EYS: variants seen among roughly 807,000 people sequenced by gnomAD.
EYS encodes protein eyes shut homolog.
Under a neutral mutation model 282.1 loss-of-function variants are expected in EYS, and 250 were observed. The ratio of observed to expected loss-of-function variants is 0.89; its 90% CI spans 0.80 to 0.98. The LOEUF (loss-of-function observed/expected upper bound fraction) is 0.98, where lower values mean the gene tolerates loss of function less well. Among genes scored for constraint, EYS ranks in the 50% least tolerant of loss-of-function variants. EYS has a pLI of 0.00. For missense variants in EYS, 4,016 were observed against 3,709.0 expected (o/e 1.08, Z -2.15); for synonymous variants, 1,355 against 1,282.9 (o/e 1.06, Z -1.20).
rs1772071297 is a variant in EYS at position 64,733,946 on chromosome 6, A to C, written c.3443+79432T>G. On this transcript the variant is annotated intron_variant, in intron 22 of 42. Transcript: ENST00000503581. ...ATGGCGGTGGGAGCAAGCTATATTA[A>C]TTTATTTTTTAAAGAAATGAAGAAG... is the stretch of plus-strand genomic sequence containing the variant. 1.3e-5 allele frequency: 2 copies of C among 153,862 alleles called. 1 individual carries two copies. The highest frequency in any genetic ancestry group is 4.1e-4 in the South Asian group (2 of 4,858). 9.5% of individuals were successfully genotyped at this position (153,862 alleles called of 1,614,324 possible).
At chr6:65,181,005 T>C (rs533722726) in intron 12 of EYS, among the ~76,000 whole-genome samples, 12 of 152,276 alleles carry the variant, frequency 7.9e-5, no homozygotes, top group African/African-American at 2.6e-4. Flanking sequence ...GCTAGCCATA[T>C]GTAGAAAGCT....
chr6:65,239,821 T>C (rs1332136299), intron 12 of EYS, among the ~76,000 whole-genome samples: 1 of 152,162 alleles, frequency 6.6e-6, no homozygotes, highest in African/African-American at 2.4e-5. Context: ...TTCTAATGGG[T>C]AACTTTCTAA....
At chr6:63,938,562 T>C (rs187446839) in intron 35 of EYS, among the ~76,000 whole-genome samples, 1 of 152,348 alleles carries the variant, frequency 6.6e-6, no homozygotes, top group East Asian at 1.9e-4. Flanking sequence ...ATAGAAATAT[T>C]GAAATGTGGT....
intron 12 of EYS, among the ~76,000 whole-genome samples, chr6:65,144,665 G>C (rs1313452882): frequency 6.6e-6 from 1 of 151,894 alleles, no homozygotes; most frequent in African/African-American, 2.4e-5. Context: ...AAATTGAACA[G>C]TATATGTTCC....
intron 26 of EYS, among the ~76,000 whole-genome samples, chr6:64,544,565 A>C (rs1364012067): frequency 6.6e-6 from 1 of 152,164 alleles, no homozygotes; most frequent in East Asian, 1.9e-4. Context: ...CCCTTCAAAA[A>C]ATCAATGAAT....
intron 13 of EYS, among the ~76,000 whole-genome samples, chr6:65,016,740 T>C (rs1341068879): frequency 1.3e-5 from 2 of 152,126 alleles, no homozygotes; most frequent in Non-Finnish European, 2.9e-5. Context: ...AAAGGACATA[T>C]AGCAGGAAAA....
At chr6:65,011,774 A>G (rs1043053332) in intron 13 of EYS, among the ~76,000 whole-genome samples, 2 of 152,162 alleles carry the variant, frequency 1.3e-5, no homozygotes, top group Non-Finnish European at 2.9e-5. Context: ...TAGTAAGGAG[A>G]GCTCACTAAA....
At chr6:64,955,202 C>T (rs75048340) in intron 14 of EYS, among the ~76,000 whole-genome samples, 1 of 146,578 alleles carries the variant, frequency 6.8e-6, no homozygotes, top group African/African-American at 2.5e-5. Flanking sequence ...AAACAACCAA[C>T]AAAAAAAAAA....
chr6:64,024,399 G>T (rs992449449), intron 33 of EYS, among the ~76,000 whole-genome samples: 1 of 152,160 alleles, frequency 6.6e-6, no homozygotes, highest in South Asian at 2.1e-4. Flanking sequence ...GAGAACATCT[G>T]TGTCTAGCTC....
At chr6:64,477,338 T>A (rs1363395880) in intron 26 of EYS, among the ~76,000 whole-genome samples, 1 of 152,164 alleles carries the variant, frequency 6.6e-6, no homozygotes, top group Non-Finnish European at 1.5e-5. Flanking sequence ...CATATTTTAT[T>A]TAAAATCCCC....
intron 29 of EYS, among the ~76,000 whole-genome samples, chr6:64,339,067 T>C (rs903480837): frequency 6.6e-6 from 1 of 152,130 alleles, no homozygotes; most frequent in African/African-American, 2.4e-5. Flanking sequence ...TTCTAGACAT[T>C]GGCTTAGGCA....
intron 29 of EYS, among the ~76,000 whole-genome samples, chr6:64,329,416 T>A (rs1015661275): frequency 6.6e-6 from 1 of 152,098 alleles, no homozygotes; most frequent in African/African-American, 2.4e-5. Flanking sequence ...AGAAAAGCCA[T>A]CATAATGACG....
intron 5 of EYS, among the ~76,000 whole-genome samples, chr6:65,465,474 CACAA>C (rs773861531): frequency 1.8e-4 from 28 of 151,666 alleles, no homozygotes; most frequent in East Asian, 3.9e-4. Flanking sequence ...GAGGCTCTGT[CACAA>C]ACAAACAAAC....
chr6:64,154,393 T>C (rs1225473661), intron 31 of EYS, among the ~76,000 whole-genome samples: 1 of 124,392 alleles, frequency 8.0e-6, no homozygotes, highest in Non-Finnish European at 1.6e-5. Flanking sequence ...TGAGCCGAGA[T>C]CACACCATTG....
intron 28 of EYS, among the ~76,000 whole-genome samples, chr6:64,396,310 C>A (rs1483001431): frequency 6.6e-6 from 1 of 152,070 alleles, no homozygotes; most frequent in Non-Finnish European, 1.5e-5. Flanking sequence ...ATGTGCATTT[C>A]TGTTGAGCAT....
chr6:64,622,222 A>C (rs904823383), intron 23 of EYS, among the ~76,000 whole-genome samples: 6 of 152,116 alleles, frequency 3.9e-5, no homozygotes, highest in Non-Finnish European at 7.4e-5. Flanking sequence ...GCTTGGAGGA[A>C]GTGGCATATT....
At chr6:64,245,751 A>C (rs1766990293) in intron 30 of EYS, among the ~76,000 whole-genome samples, 1 of 152,150 alleles carries the variant, frequency 6.6e-6, no homozygotes, top group African/African-American at 2.4e-5. Context: ...AGGATAAGCC[A>C]TTACTCCAAA....
At chr6:65,208,805 G>C (rs1766100648) in intron 12 of EYS, among the ~76,000 whole-genome samples, 1 of 140,912 alleles carries the variant, frequency 7.1e-6, no homozygotes, top group South Asian at 2.2e-4. Context: ...GATATGGTTG[G>C]AGGGGATTGA....
chr6:65,431,295 G>A (rs776668422), intron 5 of EYS, among the ~76,000 whole-genome samples: 17 of 152,054 alleles, frequency 1.1e-4, no homozygotes, highest in Non-Finnish European at 2.2e-4. Flanking sequence ...TCACCATCCT[G>A]TATCTTGGGT....
Sources: gnomAD v4.1 joint callset for allele counts (sites outside exome capture counted in the v4.1 genomes callset) on GRCh38, gnomAD v4.1.1 for gene constraint, MANE v1.5 for transcripts, NCBI Gene and HGNC (gene_info 2026-07-23, HGNC 2026-07-21) for gene names.